Variants in TEX15 observed in about 807,000 individuals in gnomAD.
The protein encoded by TEX15 is testis expressed 15, meiosis and synapsis associated.
In TEX15, 171 loss-of-function variants were observed where a neutral mutation model predicts 237.3. The observed-to-expected ratio is 0.72, with a 90% CI of 0.64 to 0.82. The LOEUF (loss-of-function observed/expected upper bound fraction) is 0.82, where lower values mean the gene tolerates loss of function less well. TEX15 is among the 40% of genes least tolerant of loss of function. TEX15 has a pLI of 0.00. For missense variants in TEX15, 3,750 were observed against 3,646.5 expected (o/e 1.03, Z -0.73); for synonymous variants, 1,338 against 1,269.8 (o/e 1.05, Z -1.14).
intron 5 of TEX15, among the ~76,000 whole-genome samples, chr8:30,865,256 A>C (rs1808135257): frequency 1.3e-5 from 2 of 152,114 alleles, no homozygotes; most frequent in Non-Finnish European, 2.9e-5. Flanking sequence ...ACCTATTGAG[A>C]CTGAACCATG....
At position 30,875,005 on chromosome 8, in the gene TEX15, C is replaced by A. The variant is rs1457918293; in HGVS notation, c.234G>T (p.Ser78=). The change falls in exon 4 of 11, where the codon TCG becomes TCT. Residue 78 remains serine (S), a synonymous_variant. Coordinates refer to ENST00000643185, the MANE Select transcript of TEX15 (RefSeq NM_001350162.2). The part of the protein sequence containing the change: ...CRLDVNCDLQ[S]LWQFGDTKLV... ...GTTTTGTATCCCCAAACTGCCATAA[C>A]GACTGCAGATCACAGTTTACATCAA... 8.6e-6 allele frequency: 12 copies of A among 1,391,466 alleles called. No individual in the cohort carries two copies. Among genetic ancestry groups the A allele is most frequent in the Middle Eastern group, 3.7e-4 (2 of 5,422 alleles). The allele number at this position is 1,391,466 out of a possible 1,614,324, so 86.2% of individuals were successfully genotyped here.
At chr8:30,838,203 T>A in intron 9 of TEX15, 142 bp from the exon 10 acceptor site, 1 of 705,854 alleles carries the variant, frequency 1.4e-6, no homozygotes, top group Non-Finnish European at 2.1e-6. Context: ...ACTATACAAG[T>A]TAACATTTTC....
chr8:30,873,950 G>A (rs542061220), intron 4 of TEX15, among the ~76,000 whole-genome samples: 3 of 152,008 alleles, frequency 2.0e-5, no homozygotes, highest in Non-Finnish European at 4.4e-5. Context: ...ACACTAACAG[G>A]GAGAAATAAC....
At chr8:30,841,374 G>A (rs893415562) in intron 8 of TEX15, among the ~76,000 whole-genome samples, 36 of 152,232 alleles carry the variant, frequency 2.4e-4, no homozygotes, top group Admixed American at 2.2e-3. Context: ...TAAATTCTGT[G>A]ACCCCAGGAT....
At chr8:30,877,730 C>T (rs1269149606) in intron 3 of TEX15, among the ~76,000 whole-genome samples, 16 of 152,114 alleles carry the variant, frequency 1.1e-4, no homozygotes, top group Non-Finnish European at 2.9e-5. Context: ...ACCCAGTTTC[C>T]TCCAGTGGAA....
chr8:30,893,196 A>G (rs188824887), intron 2 of TEX15, among the ~76,000 whole-genome samples: 262 of 152,326 alleles, frequency 1.7e-3, no homozygotes, highest in Admixed American at 3.8e-3. Context: ...ATTAGAAAAC[A>G]AAAGTGCAGG....
Position 30,867,514 on chromosome 8 carries a change from C to T in TEX15, c.303-12G>A, listed in dbSNP as rs745444954. ...CACGCATCTCTGACCTAAAGTAAAACAAACAATGTATACAGTTAAAGATAA... is the reference window on the plus strand; with the variant it reads ...CACGCATCTCTGACCTAAAGTAAAATAAACAATGTATACAGTTAAAGATAA... On this transcript the variant is annotated splice_polypyrimidine_tract_variant and intron_variant, in intron 4 of 10. Coordinates refer to ENST00000643185, the MANE Select transcript of TEX15 (RefSeq NM_001350162.2). 2.1e-6 allele frequency: 3 copies of T among 1,458,494 alleles called. No homozygotes were observed. Among genetic ancestry groups the T allele is most frequent in the Admixed American group, 2.0e-5 (1 of 50,560 alleles). 90.3% of individuals were successfully genotyped at this position (1,458,494 alleles called of 1,614,324 possible). A position where few individuals can be genotyped will look rare whatever the true frequency, so the allele number is the denominator to read the frequency against.
chr8:30,848,529 A>G lies in TEX15; in HGVS notation c.1638T>C (p.Asn546=). ...GNFSFPISVS[N]VVSEVENQNH... ...TTTGGTTCTCAACCTCTGACACTAC[A>G]TTTGACACAGAAATTGGGAAGGAAA... Residue 546 remains asparagine, a synonymous_variant, in exon 8 of 11, where the codon AAT becomes AAC. Transcript: ENST00000643185. The G allele has an allele frequency of 6.2e-7, 1 of 1,614,114 alleles. No homozygotes were observed. Among genetic ancestry groups the G allele is most frequent in the African/African-American group, 1.3e-5 (1 of 75,022 alleles).
intron 2 of TEX15, chr8:30,888,625 AT>A: frequency 1.6e-6 from 2 of 1,289,522 alleles, no homozygotes; most frequent in Non-Finnish European, 2.0e-6. Context: ...ATAAGCAGGT[AT>A]TTTTCGTACC....
chr8:30,851,475 C>G (rs1807781936), intron 7 of TEX15, among the ~76,000 whole-genome samples: 1 of 151,424 alleles, frequency 6.6e-6, no homozygotes, highest in Non-Finnish European at 1.5e-5. Flanking sequence ...ACTAAAAATA[C>G]AAAAAACTAG....
intron 9 of TEX15, 69 bp downstream of exon 9, chr8:30,839,837 T>A: frequency 1.1e-6 from 1 of 939,744 alleles, no homozygotes; most frequent in Non-Finnish European, 1.6e-6. Flanking sequence ...ATTGTGTTAT[T>A]CTAGTTGTTT....
At chr8:30,888,871 AGAG>A (rs1180690820) in intron 2 of TEX15, among the ~76,000 whole-genome samples, 1 of 152,202 alleles carries the variant, frequency 6.6e-6, no homozygotes, top group African/African-American at 2.4e-5. Context: ...CTAGAAAAAA[AGAG>A]AAGAAAGCCA....
chr8:30,893,999 A>G (rs1168874018), intron 2 of TEX15, among the ~76,000 whole-genome samples: 1 of 152,114 alleles, frequency 6.6e-6, no homozygotes, highest in African/African-American at 2.4e-5. Flanking sequence ...ATGTTTCTTC[A>G]TATCTAACAT....
rs776689773 is a variant in TEX15 at position 30,846,023 on chromosome 8, T to C, written c.4144A>G (p.Lys1382Glu). ...KSKCLSRKLD[K>E]AVVHLKKAHR... is the part of the protein sequence containing the mutation. ...GCTTTTTTTAAGTGAACAACTGCTT[T>C]GTCTAGTTTTCTGGAAAGACATTTG... Residue 1382 changes from lysine to glutamate, a missense_variant, in exon 8 of 11, where the codon AAA becomes GAA. Transcript: ENST00000643185. 6.2e-7 allele frequency: 1 copy of C among 1,613,288 alleles called. No homozygotes were observed. The highest frequency in any genetic ancestry group is 8.5e-7 in the Non-Finnish European group (1 of 1,179,552).
At chr8:30,894,562 T>C (rs532659405) in intron 2 of TEX15, among the ~76,000 whole-genome samples, 4 of 152,278 alleles carry the variant, frequency 2.6e-5, no homozygotes, top group African/African-American at 7.2e-5. Context: ...CCTTCACATA[T>C]ATGGTGAAAT....
chr8:30,887,397 C>A, intron 2 of TEX15, 86 bp from the exon 3 acceptor site: 1 of 1,180,460 alleles, frequency 8.5e-7, no homozygotes, highest in Non-Finnish European at 1.1e-6. Context: ...AGTTCTTCAA[C>A]AAAAGTAAAT....
chr8:30,885,803 C>A (rs144902044), intron 3 of TEX15, among the ~76,000 whole-genome samples: 9 of 152,124 alleles, frequency 5.9e-5, no homozygotes, highest in African/African-American at 2.2e-4. Context: ...TTTCTGATAA[C>A]GGGGTATTTC....
intron 5 of TEX15, among the ~76,000 whole-genome samples, chr8:30,861,153 G>A (rs934782251): frequency 3.9e-5 from 6 of 151,952 alleles, no homozygotes; most frequent in African/African-American, 1.5e-4. Context: ...AAATAAAGAA[G>A]TGATTATTCA....
chr8:30,866,395 A>C (rs373321479), intron 5 of TEX15, among the ~76,000 whole-genome samples: 1 of 151,680 alleles, frequency 6.6e-6, no homozygotes. Flanking sequence ...AGGGGAAGGG[A>C]AGGAAAGGAA....
Sources: gnomAD v4.1 joint callset for allele counts (sites outside exome capture counted in the v4.1 genomes callset) on GRCh38, gnomAD v4.1.1 for gene constraint, MANE v1.5 for transcripts, NCBI Gene and HGNC (gene_info 2026-07-23, HGNC 2026-07-21) for gene names.